Variants in CSNK1G3 observed in about 807,000 individuals in gnomAD.
CSNK1G3 encodes casein kinase I isoform gamma-3.
CSNK1G3 carries 23 observed loss-of-function variants against 64.3 expected under a neutral mutation model. That is an observed-to-expected ratio of 0.36 (90% CI 0.26 to 0.51). The LOEUF is 0.51. CSNK1G3 is among the 20% of genes least tolerant of loss of function. The probability of loss-of-function intolerance (pLI) is 0.96; values close to 1 mark genes in which losing one functional copy is unlikely to be tolerated. For synonymous variants in CSNK1G3, 158 were observed against 162.2 expected (o/e 0.97, Z 0.20); for missense variants, 357 against 510.5 (o/e 0.70, Z 2.90).
intron 12 of CSNK1G3, among the ~76,000 whole-genome samples, chr5:123,608,274 G>T (rs1203577271): frequency 1.3e-5 from 2 of 151,996 alleles, no homozygotes; most frequent in African/African-American, 4.8e-5. Flanking sequence ...GCACATTTTA[G>T]CATCCTCATG....
intron 4 of CSNK1G3, among the ~76,000 whole-genome samples, chr5:123,571,186 A>G (rs151285094): frequency 6.6e-6 from 1 of 152,272 alleles, no homozygotes; most frequent in Non-Finnish European, 1.5e-5. Context: ...ATTGGGGTGT[A>G]TCAGAATCTC....
intron 1 of CSNK1G3, among the ~76,000 whole-genome samples, chr5:123,529,594 A>G (rs892905979): frequency 3.9e-5 from 6 of 152,168 alleles, no homozygotes; most frequent in African/African-American, 1.2e-4. Flanking sequence ...GAAAATAAGC[A>G]TCCCAAAATT....
intron 1 of CSNK1G3, among the ~76,000 whole-genome samples, chr5:123,532,776 T>A (rs1018183481): frequency 1.3e-5 from 2 of 151,938 alleles, no homozygotes; most frequent in African/African-American, 4.8e-5. Context: ...TGCAAGTTAC[T>A]CGTTTGTTGA....
chr5:123,584,612 A>T (rs577422095), intron 6 of CSNK1G3, among the ~76,000 whole-genome samples: 1 of 152,278 alleles, frequency 6.6e-6, no homozygotes, highest in East Asian at 1.9e-4. Flanking sequence ...TGTTGGTAAC[A>T]GGGTAATGCA....
At chr5:123,589,815 C>T (rs1477470243) in intron 8 of CSNK1G3, among the ~76,000 whole-genome samples, 1 of 151,896 alleles carries the variant, frequency 6.6e-6, no homozygotes. Context: ...AAATATATGA[C>T]CAGAAATTAA....
chr5:123,596,462 A>G (rs1406167480), intron 10 of CSNK1G3, among the ~76,000 whole-genome samples: 1 of 152,096 alleles, frequency 6.6e-6, no homozygotes, highest in East Asian at 1.9e-4. Context: ...CAGTGTAACA[A>G]TTAAGGCACT....
chr5:123,537,569 G>A (rs1328336643), intron 1 of CSNK1G3, among the ~76,000 whole-genome samples: 1 of 152,110 alleles, frequency 6.6e-6, no homozygotes, highest in African/African-American at 2.4e-5. Context: ...CCATAGATTT[G>A]TACAAAACGT....
At chr5:123,583,866 T>A (rs1420175871) in intron 6 of CSNK1G3, among the ~76,000 whole-genome samples, 1 of 151,984 alleles carries the variant, frequency 6.6e-6, no homozygotes, top group Non-Finnish European at 1.5e-5. Flanking sequence ...AAAAAAAATT[T>A]TTTTTTGTAA....
intron 10 of CSNK1G3, among the ~76,000 whole-genome samples, chr5:123,603,256 T>G (rs1794792440): frequency 6.6e-6 from 1 of 151,870 alleles, no homozygotes; most frequent in Admixed American, 6.6e-5. Flanking sequence ...AAAATGGAAG[T>G]GGTGAGTTAT....
At chr5:123,597,359 A>T (rs577314421) in intron 10 of CSNK1G3, among the ~76,000 whole-genome samples, 1 of 152,220 alleles carries the variant, frequency 6.6e-6, no homozygotes, top group African/African-American at 2.4e-5. Flanking sequence ...TAGGAGAGAC[A>T]TTTCCCTAAT....
intron 6 of CSNK1G3, among the ~76,000 whole-genome samples, chr5:123,577,047 A>T (rs1249818198): frequency 5.3e-5 from 8 of 152,050 alleles, no homozygotes; most frequent in Non-Finnish European, 1.2e-4. Flanking sequence ...ATCATTATTT[A>T]TTCTGATAGC....
At position 123,611,175 on chromosome 5, in the gene CSNK1G3, A is replaced by AAG. The variant is rs569646341; in HGVS notation, c.1218-3165_1218-3164dup. Among the ~76,000 whole-genome samples, 217 of 152,342 alleles carry AAG rather than the reference A, an allele frequency of 1.4e-3. 2 individuals carry two copies. Among genetic ancestry groups the AAG allele is most frequent in the African/African-American group, 5.1e-3 (211 of 41,584 alleles). ...CTGTTTCGGTAATTACTTTTATCTT[A>AAG]AGAAATAAGCCATAAGGTTAAAACA... On this transcript the variant is annotated intron_variant, in intron 12 of 12. Coordinates refer to ENST00000345990, the Ensembl canonical transcript of CSNK1G3.
intron 10 of CSNK1G3, among the ~76,000 whole-genome samples, chr5:123,600,991 C>T (rs562290941): frequency 1.3e-5 from 2 of 150,254 alleles, no homozygotes; most frequent in East Asian, 3.9e-4. Flanking sequence ...TTTTTAAGAA[C>T]AACAACAATC....
chr5:123,524,886 GCAC>G (rs1778761460), intron 1 of CSNK1G3, among the ~76,000 whole-genome samples: 2 of 152,102 alleles, frequency 1.3e-5, no homozygotes, highest in South Asian at 4.1e-4. Context: ...GTGGGGGGGA[GCAC>G]TGGTGTTATA....
chr5:123,567,763 G>A (rs1258132957), intron 4 of CSNK1G3, among the ~76,000 whole-genome samples: 2 of 152,170 alleles, frequency 1.3e-5, no homozygotes, highest in Non-Finnish European at 2.9e-5. Context: ...TGACATATTA[G>A]GTTGGTGCAA....
At chr5:123,582,101 TA>T (rs1302800866) in intron 6 of CSNK1G3, among the ~76,000 whole-genome samples, 4 of 152,054 alleles carry the variant, frequency 2.6e-5, no homozygotes, top group African/African-American at 9.7e-5. Flanking sequence ...AAATTTGAGT[TA>T]ACGAAAAAGG....
intron 7 of CSNK1G3, 105 bp downstream of exon 7, chr5:123,588,258 G>A: frequency 9.4e-7 from 1 of 1,067,184 alleles, no homozygotes; most frequent in East Asian, 2.5e-5. Flanking sequence ...TATTTTGTAA[G>A]TAGGCATCAG....
intron 10 of CSNK1G3, among the ~76,000 whole-genome samples, chr5:123,592,951 A>C (rs770126901): frequency 6.6e-6 from 1 of 151,944 alleles, no homozygotes; most frequent in Admixed American, 6.6e-5. Flanking sequence ...ACCAGAGTTA[A>C]TTCCTTGAAT....
chr5:123,588,202 T>G, intron 7 of CSNK1G3, 49 bp downstream of exon 7: 1 of 1,343,524 alleles, frequency 7.4e-7, no homozygotes. Context: ...TATTAAGATA[T>G]TAAGGTCCTG....
Sources: gnomAD v4.1 joint callset for allele counts (sites outside exome capture counted in the v4.1 genomes callset) on GRCh38, gnomAD v4.1.1 for gene constraint, MANE v1.5 for transcripts, NCBI Gene and HGNC (gene_info 2026-07-23, HGNC 2026-07-21) for gene names.